The following LYST variants were observed in gnomAD, a reference collection of about 807,000 sequenced individuals.
LYST encodes lysosomal trafficking regulator, also known as lysosomal-trafficking regulator.
A neutral mutation model predicts 413.6 loss-of-function variants in LYST; 192 were observed. That is an observed-to-expected ratio of 0.46 (90% CI 0.41 to 0.52). The LOEUF is 0.52. LYST is among the 20% of genes least tolerant of loss of function. The pLI, the probability that LYST is intolerant of heterozygous loss-of-function variation, is 0.00. For missense variants in LYST, 3,815 were observed against 4,499.9 expected, an observed-to-expected ratio of 0.85 and a Z score of 4.35; for synonymous variants, 1,525 against 1,567.3, an observed-to-expected ratio of 0.97 and a Z score of 0.64.
At chr1:235,673,662 C>T (rs61834659) in intron 50 of LYST, among the ~76,000 whole-genome samples, 17,084 of 152,136 alleles carry the variant, frequency 0.11, 1,021 homozygotes, top group South Asian at 0.19. Context: ...CTTCTATGGT[C>T]TAGGAGAAAA....
chr1:235,789,029 A>G (rs148716608), intron 12 of LYST, among the ~76,000 whole-genome samples, 184 bp from the exon 13 acceptor site: 13 of 152,340 alleles, frequency 8.5e-5, no homozygotes, highest in African/African-American at 3.1e-4. Flanking sequence ...CCAAAAAAGC[A>G]CGAGGGATGA....
intron 41 of LYST, 67 bp from the exon 42 acceptor site, chr1:235,715,424 G>T: frequency 6.6e-7 from 1 of 1,513,006 alleles, no homozygotes. Context: ...AAAAGTGCTG[G>T]ATGTTTTTTT....
intron 14 of LYST, among the ~76,000 whole-genome samples, chr1:235,782,991 C>CTTTCTGTGAG (rs1225101226): frequency 6.6e-6 from 1 of 152,112 alleles, no homozygotes; most frequent in Non-Finnish European, 1.5e-5. Context: ...CTGGAAAAGG[C>CTTTCTGTGAG]AAAATAAGGC....
At chr1:235,789,346 T>G (rs533293302) in intron 12 of LYST, among the ~76,000 whole-genome samples, 32 of 152,124 alleles carry the variant, frequency 2.1e-4, no homozygotes, top group Non-Finnish European at 3.5e-4. Context: ...CCCTGGTGAG[T>G]AGTTTTTGCA....
chr1:235,715,255 G>A lies in LYST; in HGVS notation c.9730C>T (p.Leu3244Phe), dbSNP rs770469836. ...GSHYSNSGTV[L>F]HFLVRMPPFT... is the part of the protein sequence containing the mutation. ...GGAGGCATCCTGACCAGGAAGTGAA[G>A]CACAGTGCCGCTATTGGAATAGTGG... The change falls in exon 42 of 53, where the codon CTT becomes TTT. Residue 3244 changes from leucine (L) to phenylalanine (F), a missense_variant. Transcript: ENST00000389793. The A allele has an allele frequency of 6.2e-7, 1 of 1,613,998 alleles. No homozygotes were observed. The highest frequency in any genetic ancestry group is 1.7e-5 in the Admixed American group (1 of 60,010).
At chr1:235,819,397 C>T (rs1406581132) in intron 3 of LYST, among the ~76,000 whole-genome samples, 1 of 152,138 alleles carries the variant, frequency 6.6e-6, no homozygotes, top group Admixed American at 6.5e-5. Context: ...GGCACCCTGG[C>T]AAATTAGAAC....
At chr1:235,703,498 G>A (rs1661714459) in intron 44 of LYST, among the ~76,000 whole-genome samples, 1 of 152,172 alleles carries the variant, frequency 6.6e-6, no homozygotes, top group Non-Finnish European at 1.5e-5. Flanking sequence ...ATCCCGTAGA[G>A]TCAGATGGAG....
At chr1:235,853,420 T>G (rs1455791550) in intron 1 of LYST, among the ~76,000 whole-genome samples, 1 of 152,142 alleles carries the variant, frequency 6.6e-6, no homozygotes, top group Non-Finnish European at 1.5e-5. Context: ...TATTATGCAT[T>G]TAAGCTAAGT....
At chr1:235,812,914 T>C in intron 4 of LYST, 57 bp downstream of exon 4, 1 of 1,034,888 alleles carries the variant, frequency 9.7e-7, no homozygotes, top group South Asian at 1.3e-5. Context: ...CAGGCAGAAG[T>C]AACTTTTCTA....
chr1:235,821,282 C>T (rs1674721840), intron 3 of LYST, among the ~76,000 whole-genome samples: 2 of 152,074 alleles, frequency 1.3e-5, no homozygotes, highest in African/African-American at 4.8e-5. Flanking sequence ...ACAAAAAATA[C>T]AAAAATTAGC....
chr1:235,685,741 G>A (rs1660163806), intron 48 of LYST, among the ~76,000 whole-genome samples: 1 of 151,754 alleles, frequency 6.6e-6, no homozygotes, highest in Admixed American at 6.6e-5. Flanking sequence ...AACTACTCAG[G>A]AGGCTGAGGC....
chr1:235,692,965 TA>T (rs1413968888), intron 47 of LYST, among the ~76,000 whole-genome samples: 1 of 144,506 alleles, frequency 6.9e-6, no homozygotes, highest in African/African-American at 2.6e-5. Flanking sequence ...AGGGTGCAGT[TA>T]GCTGAGAGTG....
chr1:235,688,271 T>C (rs1660368596), intron 47 of LYST, among the ~76,000 whole-genome samples: 1 of 152,216 alleles, frequency 6.6e-6, no homozygotes. Flanking sequence ...CATTTAGCGA[T>C]TTCATCATTC....
chr1:235,877,568 G>A (rs541592315), intron 1 of LYST, among the ~76,000 whole-genome samples: 16 of 152,108 alleles, frequency 1.1e-4, no homozygotes, highest in Non-Finnish European at 2.2e-4. Flanking sequence ...CACCACATCC[G>A]GCTAATTTTG....
intron 1 of LYST, among the ~76,000 whole-genome samples, chr1:235,859,892 C>T (rs1305391327): frequency 6.6e-6 from 1 of 152,144 alleles, no homozygotes; most frequent in Non-Finnish European, 1.5e-5. Context: ...TAGTACTATA[C>T]AAAGAGTATC....
intron 1 of LYST, among the ~76,000 whole-genome samples, chr1:235,864,331 C>A (rs1178221073): frequency 6.6e-6 from 1 of 152,114 alleles, no homozygotes; most frequent in Non-Finnish European, 1.5e-5. Flanking sequence ...TGTCTTCTAA[C>A]CAACTCCCAC....
chr1:235,793,077 T>G (rs1326361394), intron 11 of LYST, among the ~76,000 whole-genome samples: 4 of 152,126 alleles, frequency 2.6e-5, no homozygotes, highest in Admixed American at 2.6e-4. Flanking sequence ...TCCTAGCAGA[T>G]AATAGTTTAA....
chr1:235,720,863 G>A lies in LYST; in HGVS notation c.9358C>T (p.Pro3120Ser). The change falls in exon 40 of 53, where the codon CCT becomes TCT. Residue 3120 changes from proline (P) to serine (S), a missense_variant. Around this residue, in one of 4 missense-constraint regions of LYST, gnomAD observed 866 missense variants for 1,156.0 expected, o/e 0.75. Coordinates refer to ENST00000389793, the MANE Select transcript of LYST (RefSeq NM_000081.4). ...ATGTTACCATATTCCAGAAGATTAG[G>A]GAGGTTATTTGTGAGTATATTGTGG... ...VYHNILTNNL[P>S]NLLEYGNITA... 6.2e-7 allele frequency: 1 copy of A among 1,613,608 alleles called. No individual in the cohort carries two copies. Among genetic ancestry groups the A allele is most frequent in the Non-Finnish European group, 8.5e-7 (1 of 1,179,594 alleles).
At chr1:235,770,602 C>T (rs2103418072) in intron 19 of LYST, among the ~76,000 whole-genome samples, 1 of 152,236 alleles carries the variant, frequency 6.6e-6, no homozygotes, top group South Asian at 2.1e-4. Context: ...ATTAGAGAAG[C>T]ACACACATTA....
Sources: allele counts gnomAD v4.1 joint callset (sites outside exome capture counted in the v4.1 genomes callset), GRCh38; gene constraint gnomAD v4.1.1; regional missense constraint gnomAD v4.1.1; transcripts MANE v1.5; gene names NCBI Gene and HGNC (gene_info 2026-07-23, HGNC 2026-07-21).